Variants in ATRN observed in about 807,000 individuals in gnomAD.
The protein encoded by ATRN is attractin-2.
ATRN carries 54 observed loss-of-function variants against 178.7 expected under a neutral mutation model. The ratio of observed to expected loss-of-function variants is 0.30; its 90% confidence interval spans 0.24 to 0.38. ATRN has a LOEUF of 0.38. ATRN is among the 10% of genes least tolerant of loss of function. The probability of loss-of-function intolerance (pLI) is 1.00; values close to 1 mark genes in which losing one functional copy is unlikely to be tolerated. For synonymous variants in ATRN, 636 were observed against 663.0 expected, an observed-to-expected ratio of 0.96 and a Z score of 0.63; for missense variants, 1,443 against 1,815.1, an observed-to-expected ratio of 0.79 and a Z score of 3.73.
intron 24 of ATRN, among the ~76,000 whole-genome samples, chr20:3,604,964 C>T (rs2086658984): frequency 6.6e-6 from 1 of 152,164 alleles, no homozygotes; most frequent in South Asian, 2.1e-4. Flanking sequence ...CACCTGGGGC[C>T]TTTCCTCAAT....
intron 25 of ATRN, among the ~76,000 whole-genome samples, chr20:3,626,420 G>T (rs927220846): frequency 3.3e-5 from 5 of 152,062 alleles, no homozygotes; most frequent in Non-Finnish European, 5.9e-5. Context: ...ATATTTAAGT[G>T]TAATATAAAG....
chr20:3,532,370 G>A (rs1349350754), intron 1 of ATRN, among the ~76,000 whole-genome samples: 1 of 152,106 alleles, frequency 6.6e-6, no homozygotes, highest in African/African-American at 2.4e-5. Context: ...AGAGTAAGGT[G>A]GTTTTTGTGG....
Position 3,562,354 on chromosome 20 carries a change from A to G in ATRN, c.1526A>G (p.His509Arg), listed in dbSNP as rs1464898848. 1.9e-6 allele frequency: 3 copies of G among 1,614,168 alleles called. No homozygotes were observed. The highest frequency in any genetic ancestry group is 2.5e-6 in the Non-Finnish European group (3 of 1,180,018). The change falls in exon 9 of 29, where the codon CAT becomes CGT. Residue 509 changes from histidine (H) to arginine (R), a missense_variant. By Grantham distance (29) the His-to-Arg change is conservative. Around this residue, in one of 4 missense-constraint regions of ATRN, gnomAD observed 862 missense variants for 972.1 expected, o/e 0.89. Transcript: ENST00000262919. ...GGYGHSSVYD[H>R]RTRALYVHGG... is the part of the protein sequence containing the mutation. Reference sequence around the variant, plus strand: ...TACGGCCATAGCAGTGTTTACGACCATAGGACCAGGGCCCTATACGTTCAT... The same window carrying G: ...TACGGCCATAGCAGTGTTTACGACCGTAGGACCAGGGCCCTATACGTTCAT...
chr20:3,641,590 CAAAAAAAAAAA>C (rs61692220), intron 27 of ATRN, among the ~76,000 whole-genome samples: 5 of 47,822 alleles, frequency 1.0e-4, no homozygotes, highest in Admixed American at 1.0e-3. Flanking sequence ...GACTCTGTCG[CAAAAAAAAAAA>C]AAAAAAAAAA....
chr20:3,483,625 G>T (rs1311521075), intron 1 of ATRN, among the ~76,000 whole-genome samples: 3 of 152,156 alleles, frequency 2.0e-5, no homozygotes, highest in African/African-American at 4.8e-5. Flanking sequence ...GGGATTGCAG[G>T]TGTGAGCCAC....
Position 3,621,727 on chromosome 20 carries a change from A to T in ATRN, c.3802-2784A>T, listed in dbSNP as rs185965636. ...CGTTTCCATAATAAATTGTGAAAGA[A>T]AGATTTGATTGGGATATTGTCTTTA... On this transcript the variant is annotated intron_variant, in intron 24 of 28. Coordinates refer to ENST00000262919, the MANE Select transcript of ATRN (RefSeq NM_139321.3). Among the ~76,000 whole-genome samples the T allele has an allele frequency of 1.1e-4, 17 of 152,340 alleles. 1 individual carries two copies. In the East Asian group the frequency reaches 3.3e-3, roughly 29 times the overall value.
At chr20:3,495,166 ATT>A (rs1361873573) in intron 1 of ATRN, among the ~76,000 whole-genome samples, 9 of 152,092 alleles carry the variant, frequency 5.9e-5, no homozygotes, top group African/African-American at 2.2e-4. Flanking sequence ...TTTCTTTCGA[ATT>A]TAAGAAATTA....
chr20:3,609,588 G>A lies in ATRN; in HGVS notation c.3801+5326G>A, dbSNP rs759253958. ...GATGCTGTCCTCTAATGCTCGCAGC[G>A]TCTGTGTTCATGAAACCCTTTGTTG... is the stretch of plus-strand genomic sequence containing the variant. On this transcript the variant is annotated intron_variant, in intron 24 of 28. Coordinates refer to ENST00000262919, the MANE Select transcript of ATRN (RefSeq NM_139321.3). Among the ~76,000 whole-genome samples the A allele has an allele frequency of 1.5e-4, 23 of 152,170 alleles. 1 individual carries two copies. In the South Asian group the frequency reaches 1.9e-3, roughly 12 times the overall value.
intron 7 of ATRN, among the ~76,000 whole-genome samples, chr20:3,560,371 C>T (rs1207922001): frequency 6.6e-6 from 1 of 152,076 alleles, no homozygotes; most frequent in African/African-American, 2.4e-5. Context: ...ATATATACAC[C>T]ACATTTTCTT....
At chr20:3,486,792 G>T (rs1169215167) in intron 1 of ATRN, among the ~76,000 whole-genome samples, 2 of 152,088 alleles carry the variant, frequency 1.3e-5, no homozygotes, top group African/African-American at 4.8e-5. Flanking sequence ...ACTATGATGT[G>T]CCCAAATGTG....
chr20:3,519,204 T>C (rs2085252964), intron 1 of ATRN, among the ~76,000 whole-genome samples: 2 of 152,070 alleles, frequency 1.3e-5, no homozygotes, highest in South Asian at 4.2e-4. Flanking sequence ...AGTGTATTGC[T>C]GAATGGTTGG....
At chr20:3,610,918 C>T (rs1367838408) in intron 24 of ATRN, among the ~76,000 whole-genome samples, 3 of 151,790 alleles carry the variant, frequency 2.0e-5, no homozygotes, top group Non-Finnish European at 1.5e-5. Context: ...TTGACAAAGG[C>T]CCTGCAAAGG....
At chr20:3,577,038 A>G (rs1254033585) in intron 14 of ATRN, 41 bp downstream of exon 14, 2 of 1,605,450 alleles carry the variant, frequency 1.2e-6, no homozygotes, top group South Asian at 2.2e-5. Flanking sequence ...TGGGTCCATT[A>G]CTTCAGCCTG....
intron 1 of ATRN, among the ~76,000 whole-genome samples, chr20:3,483,677 C>T (rs375861484): frequency 3.9e-5 from 6 of 152,192 alleles, no homozygotes; most frequent in Admixed American, 6.5e-5. Context: ...TCTCTTTTTG[C>T]ATACATGTGT....
intron 25 of ATRN, among the ~76,000 whole-genome samples, chr20:3,629,510 C>T (rs144052626): frequency 1.5e-4 from 23 of 152,296 alleles, no homozygotes; most frequent in African/African-American, 5.1e-4. Flanking sequence ...ACAAATTCTC[C>T]AATTCTCTGA....
Position 3,646,749 on chromosome 20 carries a change from G to T in ATRN, c.4192G>T (p.Asp1398Tyr). ...SGLAVASALV[D>Y]ISQQMPIVYK... ...TCTTGCTGTGGCCAGCGCCCTGGTG[G>T]ACATTTCTCAGCAGATGCCGATAGT... is the stretch of plus-strand genomic sequence containing the variant. Residue 1398 changes from aspartate (D) to tyrosine (Y), a missense_variant, in exon 29 of 29, where the codon GAC becomes TAC. Around this residue, in one of 4 missense-constraint regions of ATRN, gnomAD observed 289 missense variants for 440.8 expected, o/e 0.66. Coordinates refer to ENST00000262919, the MANE Select transcript of ATRN (RefSeq NM_139321.3). 1 of 1,605,208 alleles carries T rather than the reference G, an allele frequency of 6.2e-7. No individual in the cohort carries two copies. The highest frequency in any genetic ancestry group is 8.5e-7 in the Non-Finnish European group (1 of 1,175,638).
Position 3,584,100 on chromosome 20 carries a change from G to GCC in ATRN, c.2950+19_2950+20dup, listed in dbSNP as rs766337976. ...CCTGCCCCCGTAAGTGAAAAAGGGA[G>GCC]CCCTAGGCACTTATGCATGCCCTCT... On this transcript the variant is annotated intron_variant, in intron 17 of 28. Transcript: ENST00000262919. 4.0e-5 allele frequency: 64 copies of GCC among 1,611,642 alleles called. No individual in the cohort carries two copies. The highest frequency in any genetic ancestry group is 5.4e-5 in the Non-Finnish European group (64 of 1,178,286).
intron 1 of ATRN, among the ~76,000 whole-genome samples, chr20:3,486,418 A>AT (rs1446735964): frequency 1.4e-5 from 2 of 147,760 alleles, no homozygotes; most frequent in African/African-American, 5.0e-5. Context: ...TTTTATTTTT[A>AT]TTTTTTTGAG....
rs1276400795 is a variant in ATRN at position 3,532,974 on chromosome 20, G to A, written c.411-2279G>A. On this transcript the variant is annotated intron_variant, in intron 1 of 28. Transcript: ENST00000262919. ...AGACGGGGTTTCACTGTGTTAGCCA[G>A]GATGGTCTCGATCTCCTGACCTCGT... Among the ~76,000 whole-genome samples, 4 of 152,210 alleles carry A rather than the reference G, an allele frequency of 2.6e-5. No homozygotes were observed. The East Asian group carries it at 7.7e-4, about 29-fold the overall frequency.
Sources: gnomAD v4.1 joint callset for allele counts (sites outside exome capture counted in the v4.1 genomes callset) on GRCh38, gnomAD v4.1.1 for gene constraint, gnomAD v4.1.1 regional missense constraint, MANE v1.5 for transcripts, NCBI Gene and HGNC (gene_info 2026-07-23, HGNC 2026-07-21) for gene names.